HPS4: variants seen among roughly 807,000 people sequenced by gnomAD.
HPS4 encodes HPS4 biogenesis of lysosomal organelles complex 3 subunit 2.
HPS4 carries 44 observed loss-of-function variants against 70.3 expected under a neutral mutation model. The observed-to-expected ratio is 0.63, with a 90% CI of 0.49 to 0.80. The LOEUF (loss-of-function observed/expected upper bound fraction) is 0.80. Among genes scored for constraint, HPS4 ranks in the 30% least tolerant of loss-of-function variants. The pLI is 0.00. For synonymous variants in HPS4, 377 were observed against 355.9 expected (o/e 1.06, Z -0.67); for missense variants, 873 against 884.4 (o/e 0.99, Z 0.16).
In HPS4 at chr22:26,472,430, A is replaced by G. The variant is rs1307930167; in HGVS notation, c.385-12T>C. On this transcript the variant is annotated splice_polypyrimidine_tract_variant and intron_variant, in intron 5 of 13. Transcript: ENST00000398145. ...TCCTGAGAACAGTTCTAAAACAGAA[A>G]GAGCCTCAGGTCAATATCTGAGATT... The G allele has an allele frequency of 1.3e-6, 2 of 1,499,428 alleles. No individual in the cohort carries two copies. The highest frequency in any genetic ancestry group is 1.7e-4 in the Middle Eastern group (1 of 5,884). The allele number at this position is 1,499,428 out of a possible 1,614,324, so 92.9% of individuals were successfully genotyped here. A position where few individuals can be genotyped will look rare whatever the true frequency, so the allele number is the denominator to read the frequency against.
chr22:26,456,574 G>A (rs1387020946), intron 13 of HPS4, among the ~76,000 whole-genome samples: 2 of 152,202 alleles, frequency 1.3e-5, no homozygotes, highest in African/African-American at 2.4e-5. Context: ...CAGAAGAATT[G>A]CTTGAAACCA....
chr22:26,475,248 C>T (rs926292864), intron 4 of HPS4: 3 of 151,604 alleles, frequency 2.0e-5, no homozygotes, highest in East Asian at 1.9e-4. Context: ...TAAAATGGAA[C>T]GAACGCTGAT....
At chr22:26,478,101 A>G (rs1276155027) in intron 3 of HPS4, among the ~76,000 whole-genome samples, 2 of 152,188 alleles carry the variant, frequency 1.3e-5, no homozygotes, top group Non-Finnish European at 2.9e-5. Context: ...GTATCAGGTA[A>G]TATTAAGGAA....
At chr22:26,466,552 TG>T in intron 8 of HPS4, 3 of 540,718 alleles carry the variant, frequency 5.5e-6, no homozygotes, top group Non-Finnish European at 1.0e-5. Flanking sequence ...CTCTCCCTTC[TG>T]GGAATAAAAT....
chr22:26,454,555 C>T (rs2146271316), intron 13 of HPS4, among the ~76,000 whole-genome samples: 1 of 152,316 alleles, frequency 6.6e-6, no homozygotes, highest in East Asian at 1.9e-4. Flanking sequence ...TGGATCCCTT[C>T]CTTACACCTT....
downstream of HPS4, among the ~76,000 whole-genome samples, chr22:26,448,164 C>T (rs2085019068): frequency 6.6e-6 from 1 of 152,212 alleles, no homozygotes; most frequent in East Asian, 1.9e-4. Context: ...AAGGACCACA[C>T]CCCTCCGGCC....
chr22:26,460,919 T>A (rs1436931929), intron 11 of HPS4, among the ~76,000 whole-genome samples: 1 of 152,282 alleles, frequency 6.6e-6, no homozygotes, highest in Non-Finnish European at 1.5e-5. Flanking sequence ...ACCATTTATA[T>A]ACTGTCTATG....
At chr22:26,453,669 A>G (rs1441741672) in intron 13 of HPS4, 12 of 517,860 alleles carry the variant, frequency 2.3e-5, no homozygotes, top group Non-Finnish European at 3.5e-5. Flanking sequence ...TCCTGGAGTT[A>G]TAAGTATTGC....
In HPS4 at chr22:26,464,590, C is replaced by A. The variant is rs113242819; in HGVS notation, c.1040G>T (p.Gly347Val). 4 of 1,614,088 alleles carry A rather than the reference C, an allele frequency of 2.5e-6. No homozygotes were observed. In the Admixed American group the frequency reaches 5.0e-5, roughly 20 times the overall value. The change falls in exon 11 of 14, where the codon GGT becomes GTT. Residue 347 changes from glycine to valine, a missense_variant. Coordinates refer to ENST00000398145, the MANE Select transcript of HPS4 (RefSeq NM_022081.6). ...GGAGGAGCTGAGGCCAAGAACCTCA[C>A]CCCTGGCAGAGTTGTGCAGTCCTGC... Reference protein sequence around the residue: ...RPAGLHNSARGEVLGLSSSLG... With the variant: ...RPAGLHNSARVEVLGLSSSLG...
intron 3 of HPS4, 74 bp downstream of exon 3, chr22:26,479,191 C>T (rs1490341091): frequency 2.8e-6 from 4 of 1,423,738 alleles, no homozygotes; most frequent in Admixed American, 1.7e-5. Context: ...CTAATGTAAA[C>T]CCCATACTTT....
At chr22:26,471,011 T>A in intron 6 of HPS4, 198 bp from the exon 7 acceptor site, 1 of 1,103,524 alleles carries the variant, frequency 9.1e-7, no homozygotes, top group Non-Finnish European at 1.3e-6. Flanking sequence ...CTGACACCAC[T>A]AAATGCCAAA....
chr22:26,468,366 C>T, intron 8 of HPS4, 185 bp downstream of exon 8: 2 of 638,658 alleles, frequency 3.1e-6, no homozygotes, highest in South Asian at 1.8e-5. Context: ...TGGAAGAAAA[C>T]ATTTTCTTTC....
chr22:26,481,764 T>C lies in HPS4; in HGVS notation c.-2A>G. 1 of 1,614,052 alleles carries C rather than the reference T, an allele frequency of 6.2e-7. No homozygotes were observed. Among genetic ancestry groups the C allele is most frequent in the Admixed American group, 1.7e-5 (1 of 60,026 alleles). ...CTCTGTGGAGGTAGAGGTGGCCATC[T>C]ACTGTGCAGTCATCCTCATTCTCTT... On this transcript the variant is annotated 5_prime_UTR_variant, in exon 2 of 14. The change abolishes the stop of an existing upstream ORF in the 5' untranslated region. Coordinates refer to ENST00000398145, the MANE Select transcript of HPS4 (RefSeq NM_022081.6).
chr22:26,452,671 C>T lies in HPS4; in HGVS notation c.*562G>A, dbSNP rs565394140. 2.2e-4 allele frequency: 54 copies of T among 249,370 alleles called. No individual in the cohort carries two copies. Among genetic ancestry groups the T allele is most frequent in the Non-Finnish European group, 3.6e-4 (45 of 125,358 alleles). The allele number at this position is 249,370 out of a possible 1,614,324, so 15.4% of individuals were successfully genotyped here. A position where few individuals can be genotyped will look rare whatever the true frequency, so the allele number is the denominator to read the frequency against. ...GAGTAGAGTTCCAACAGAATTCAAC[C>T]AAGTGGTCTCCGTGTGCTGCCGCTT... On this transcript the variant is annotated 3_prime_UTR_variant, in exon 14 of 14. Coordinates refer to ENST00000398145, the MANE Select transcript of HPS4 (RefSeq NM_022081.6).
intron 4 of HPS4, among the ~76,000 whole-genome samples, chr22:26,473,755 T>C (rs2090161867): frequency 6.6e-6 from 1 of 151,764 alleles, no homozygotes; most frequent in African/African-American, 2.4e-5. Context: ...AAAAAAAAAG[T>C]ACTTGCTGAG....
chr22:26,458,329 A>G (rs1363662980), intron 12 of HPS4, 116 bp downstream of exon 12: 1 of 1,312,600 alleles, frequency 7.6e-7, no homozygotes, highest in Non-Finnish European at 1.1e-6. Context: ...CCCTGAACGC[A>G]GGTCAGACAA....
chr22:26,445,215 T>G (rs962464374), intron 3 of HPS4, among the ~76,000 whole-genome samples: 1 of 152,030 alleles, frequency 6.6e-6, no homozygotes, highest in African/African-American at 2.4e-5. Context: ...ACACCTGTAG[T>G]CCCAGCTATT....
chr22:26,481,485 T>C (rs975397312), intron 2 of HPS4, among the ~76,000 whole-genome samples: 17 of 152,230 alleles, frequency 1.1e-4, no homozygotes, highest in Non-Finnish European at 2.4e-4. Flanking sequence ...CTATCTTTTC[T>C]ACAATCTCCC....
intron 11 of HPS4, among the ~76,000 whole-genome samples, chr22:26,460,686 T>C (rs2087070349): frequency 6.6e-6 from 1 of 152,246 alleles, no homozygotes. Context: ...GGATAATTTT[T>C]ACTGATAACC....
Sources: allele counts gnomAD v4.1 joint callset (sites outside exome capture counted in the v4.1 genomes callset), GRCh38; gene constraint gnomAD v4.1.1; transcripts MANE v1.5; gene names NCBI Gene and HGNC (gene_info 2026-07-23, HGNC 2026-07-21).